Variants in TENM2 observed in about 807,000 individuals in gnomAD.
The protein encoded by TENM2 is teneurin-2.
A neutral mutation model predicts 245.2 loss-of-function variants in TENM2; 52 were observed. The observed-to-expected ratio is 0.21, with a 90% CI of 0.17 to 0.27. The LOEUF is 0.27. Among genes scored for constraint, TENM2 ranks in the 10% least tolerant of loss-of-function variants. TENM2 has a pLI of 1.00. For synonymous variants in TENM2, 1,363 were observed against 1,438.9 expected (o/e 0.95, Z 1.19); for missense variants, 3,046 against 3,666.8 (o/e 0.83, Z 4.37).
chr5:167,557,548 A>G (rs1013238055), intron 2 of TENM2, among the ~76,000 whole-genome samples: 9 of 152,230 alleles, frequency 5.9e-5, no homozygotes, highest in African/African-American at 2.2e-4. Flanking sequence ...AAGTGCTTGG[A>G]AGCATGCCAA....
rs185913721 is a variant in TENM2 at position 168,175,085 on chromosome 5, A to G, written c.2569+12328A>G. Among the ~76,000 whole-genome samples, 429 of 152,306 alleles carry G rather than the reference A, an allele frequency of 2.8e-3. 2 individuals are homozygous for G. The highest frequency in any genetic ancestry group is 4.6e-3 in the Non-Finnish European group (315 of 68,028). On this transcript the variant is annotated intron_variant, in intron 13 of 28. Transcript: ENST00000518659. ...GTACATTCTGACTCAGGTTCTTACT[A>G]GCTGTGCTTCCTTGAGCAAAGGACC...
At chr5:167,812,091 T>A (rs765362510) in intron 2 of TENM2, among the ~76,000 whole-genome samples, 1 of 151,766 alleles carries the variant, frequency 6.6e-6, no homozygotes, top group African/African-American at 2.4e-5. Context: ...AATAAGGGAG[T>A]GGAAGATAAA....
chr5:167,187,863 G>A, the TENM2 span, among the ~76,000 whole-genome samples: 2 of 152,012 alleles, frequency 1.3e-5, no homozygotes, highest in African/African-American at 2.4e-5. Flanking sequence ...CCAAGAACAG[G>A]TGAAATACAT....
intron 12 of TENM2, among the ~76,000 whole-genome samples, chr5:168,139,042 AT>A (rs1397861941): frequency 1.3e-5 from 2 of 152,306 alleles, no homozygotes; most frequent in African/African-American, 4.8e-5. Flanking sequence ...TGTTTGGTTA[AT>A]TTTTCAACAT....
chr5:168,102,358 C>T (rs1272247386), intron 9 of TENM2, among the ~76,000 whole-genome samples: 1 of 152,210 alleles, frequency 6.6e-6, no homozygotes, highest in South Asian at 2.1e-4. Flanking sequence ...CAGGCGTGAG[C>T]CACCTCGCCC....
the TENM2 span, among the ~76,000 whole-genome samples, chr5:167,130,641 C>G: frequency 6.6e-6 from 1 of 152,142 alleles, no homozygotes; most frequent in Non-Finnish European, 1.5e-5. Context: ...CCATGTGGGT[C>G]CACACCCAGG....
intron 2 of TENM2, among the ~76,000 whole-genome samples, chr5:167,500,260 T>G (rs1769123474): frequency 6.6e-6 from 1 of 152,066 alleles, no homozygotes. Context: ...AGGTCCATCT[T>G]GTATTTAGTT....
intron 2 of TENM2, among the ~76,000 whole-genome samples, chr5:167,477,211 A>G (rs945684579): frequency 6.6e-6 from 1 of 151,810 alleles, no homozygotes; most frequent in African/African-American, 2.4e-5. Context: ...CTGCTTCGCC[A>G]AAAGCATTTT....
chr5:167,101,178 G>A, the TENM2 span, among the ~76,000 whole-genome samples: 2 of 152,170 alleles, frequency 1.3e-5, no homozygotes, highest in Non-Finnish European at 2.9e-5. Context: ...AAGCAACAGT[G>A]TTATAAATGA....
intron 2 of TENM2, among the ~76,000 whole-genome samples, chr5:167,614,561 A>G (rs565150633): frequency 6.6e-6 from 1 of 151,888 alleles, no homozygotes; most frequent in African/African-American, 2.4e-5. Context: ...AAGAGAGGAA[A>G]TTTTTTTTCT....
chr5:167,243,414 G>A, the TENM2 span, among the ~76,000 whole-genome samples: 7 of 152,034 alleles, frequency 4.6e-5, no homozygotes, highest in Admixed American at 1.3e-4. Flanking sequence ...AGGATATTTC[G>A]AAGGACATTA....
At chr5:167,677,062 C>T (rs1452301035) in intron 2 of TENM2, among the ~76,000 whole-genome samples, 2 of 152,148 alleles carry the variant, frequency 1.3e-5, no homozygotes, top group Non-Finnish European at 2.9e-5. Flanking sequence ...ACTATTCCAT[C>T]TGCCTTTCCA....
chr5:167,527,988 G>C (rs1160344218), intron 2 of TENM2, among the ~76,000 whole-genome samples: 1 of 152,154 alleles, frequency 6.6e-6, no homozygotes, highest in Non-Finnish European at 1.5e-5. Flanking sequence ...AAAAAAGTTT[G>C]AGCTCAAGTC....
intron 2 of TENM2, among the ~76,000 whole-genome samples, chr5:167,859,070 T>C (rs1489501793): frequency 3.5e-4 from 49 of 141,702 alleles, no homozygotes; most frequent in African/African-American, 4.1e-4. Flanking sequence ...GTGAGGAGCG[T>C]CTCTGCCCGG....
intron 3 of TENM2, chr5:167,934,907 C>G: frequency 1.0e-6 from 1 of 985,508 alleles, no homozygotes; most frequent in Non-Finnish European, 1.2e-6. Context: ...CTGCACTGCC[C>G]TTGAGTCGTC....
chr5:168,254,350 C>G (rs1264233439), intron 27 of TENM2, among the ~76,000 whole-genome samples: 1 of 151,926 alleles, frequency 6.6e-6, no homozygotes, highest in African/African-American at 2.4e-5. Context: ...CAGCATGGAG[C>G]GGAGTCACTA....
In TENM2 at chr5:168,074,758, C is replaced by G. The variant is rs182998906; in HGVS notation, c.1515+12493C>G. ...CATTTTGCACCGGATGTCTTCTCTT[C>G]CTGGAATCATCCCCCAGATATTTCA... On this transcript the variant is annotated intron_variant, in intron 7 of 28. Transcript: ENST00000518659. Among the ~76,000 whole-genome samples the G allele has an allele frequency of 5.1e-3, 772 of 152,300 alleles. 5 individuals are homozygous for G. The highest frequency in any genetic ancestry group is 0.018 in the African/African-American group (743 of 41,548).
the TENM2 span, among the ~76,000 whole-genome samples, chr5:167,089,202 G>T: frequency 6.6e-6 from 1 of 152,166 alleles, no homozygotes; most frequent in African/African-American, 2.4e-5. Context: ...GCCAAAAATT[G>T]TAATTATATT....
At chr5:167,722,571 C>T (rs1433276502) in intron 2 of TENM2, among the ~76,000 whole-genome samples, 4 of 151,986 alleles carry the variant, frequency 2.6e-5, no homozygotes, top group Non-Finnish European at 5.9e-5. Context: ...GTCAGGAGAT[C>T]GAGACCATCC....
Sources: gnomAD v4.1 joint callset for allele counts (sites outside exome capture counted in the v4.1 genomes callset) on GRCh38, gnomAD v4.1.1 for gene constraint, MANE v1.5 for transcripts, NCBI Gene and HGNC (gene_info 2026-07-23, HGNC 2026-07-21) for gene names.